EBF2: variants seen among roughly 807,000 people sequenced by gnomAD.
The protein encoded by EBF2 is transcription factor COE2.
Under a neutral mutation model 72.8 loss-of-function variants are expected in EBF2, and 21 were observed. The observed-to-expected ratio is 0.29, with a 90% CI of 0.20 to 0.42. EBF2 has a LOEUF of 0.42. EBF2 is among the 10% of genes least tolerant of loss of function. The probability of loss-of-function intolerance (pLI) is 1.00; values close to 1 mark genes in which losing one functional copy is unlikely to be tolerated. For synonymous variants in EBF2, 299 were observed against 274.2 expected (o/e 1.09, Z -0.89); for missense variants, 637 against 731.2 (o/e 0.87, Z 1.49).
intron 6 of EBF2, among the ~76,000 whole-genome samples, chr8:25,995,467 C>T (rs1170611220): frequency 2.6e-5 from 4 of 151,708 alleles, no homozygotes; most frequent in African/African-American, 4.8e-5. Flanking sequence ...TAATAATAAA[C>T]GTAAATAAGT....
intron 6 of EBF2, chr8:26,031,415 TTTTTC>T (rs1027990552): frequency 3.0e-5 from 4 of 132,492 alleles, no homozygotes; most frequent in African/African-American, 5.7e-5. Context: ...TGTATTCCTT[TTTTTC>T]TTTTTCTTTT....
At chr8:25,974,956 C>A (rs1353479328) in intron 6 of EBF2, among the ~76,000 whole-genome samples, 1 of 152,134 alleles carries the variant, frequency 6.6e-6, no homozygotes, top group Non-Finnish European at 1.5e-5. Context: ...CCTCTTGTTA[C>A]TAAGCTGACA....
chr8:25,914,985 A>G (rs574753608), intron 6 of EBF2, among the ~76,000 whole-genome samples: 2 of 152,260 alleles, frequency 1.3e-5, no homozygotes, highest in Non-Finnish European at 2.9e-5. Flanking sequence ...TTCCAACTAC[A>G]CTCAACTTCT....
intron 6 of EBF2, among the ~76,000 whole-genome samples, chr8:26,021,950 G>T (rs1438538709): frequency 6.6e-6 from 1 of 152,198 alleles, no homozygotes; most frequent in Non-Finnish European, 1.5e-5. Context: ...ATCTTCTGAA[G>T]TGAGAGAATA....
At chr8:25,895,372 G>A (rs896470609) in intron 7 of EBF2, among the ~76,000 whole-genome samples, 2 of 152,162 alleles carry the variant, frequency 1.3e-5, no homozygotes, top group African/African-American at 4.8e-5. Flanking sequence ...GCTTTGATGT[G>A]ATCTCTCATT....
At chr8:25,998,977 A>T (rs1261903410) in intron 6 of EBF2, among the ~76,000 whole-genome samples, 1 of 152,136 alleles carries the variant, frequency 6.6e-6, no homozygotes, top group African/African-American at 2.4e-5. Flanking sequence ...GAAAGAAAAA[A>T]CTTTTCAAGA....
At chr8:25,893,433 C>A (rs1455053434) in intron 7 of EBF2, among the ~76,000 whole-genome samples, 2 of 151,862 alleles carry the variant, frequency 1.3e-5, no homozygotes, top group African/African-American at 4.8e-5. Context: ...ATTACAGGTA[C>A]CTGCCACCAC....
At chr8:25,941,162 C>T (rs1003250990) in intron 6 of EBF2, among the ~76,000 whole-genome samples, 2 of 151,372 alleles carry the variant, frequency 1.3e-5, no homozygotes, top group Admixed American at 1.3e-4. Context: ...TCTGCAGTCC[C>T]TGGGGCCTCC....
intron 6 of EBF2, among the ~76,000 whole-genome samples, chr8:25,946,853 T>G (rs1360430929): frequency 6.6e-6 from 1 of 152,214 alleles, no homozygotes; most frequent in Non-Finnish European, 1.5e-5. Context: ...AACATGATAT[T>G]ATAGGACACA....
In EBF2 at chr8:25,842,350, G is replaced by T. The variant is rs541690805; in HGVS notation, c.*2259C>A. ...TGGTATTTAGTTACACGCATTTTTC[G>T]GTGTAAAGCTACCAAGAAATTCTAC... On this transcript the variant is annotated 3_prime_UTR_variant, in exon 16 of 16. Coordinates refer to ENST00000520164, the MANE Select transcript of EBF2 (RefSeq NM_022659.4). 1 of 151,966 alleles carries T rather than the reference G, an allele frequency of 6.6e-6. No homozygotes were observed. The highest frequency in any genetic ancestry group is 2.4e-5 in the African/African-American group (1 of 41,354). 9.4% of individuals were successfully genotyped at this position (151,966 alleles called of 1,614,324 possible).
chr8:25,920,875 G>A (rs552973583), intron 6 of EBF2, among the ~76,000 whole-genome samples: 18 of 151,908 alleles, frequency 1.2e-4, no homozygotes, highest in Admixed American at 9.8e-4. Context: ...TCCAAATTCT[G>A]AATGATGTAG....
chr8:25,859,839 C>T lies in EBF2; in HGVS notation c.1342+1210G>A, dbSNP rs115687700. ...TCAATCTATCCTCCCACCTCAACCT[C>T]CCAAATAGCAGGGACTACAGATGAG... is the stretch of plus-strand genomic sequence containing the variant. On this transcript the variant is annotated intron_variant, in intron 13 of 15. Coordinates refer to ENST00000520164, the MANE Select transcript of EBF2 (RefSeq NM_022659.4). Among the ~76,000 whole-genome samples, 1,323 of 152,014 alleles carry T rather than the reference C, an allele frequency of 8.7e-3. 21 individuals are homozygous for T. Among genetic ancestry groups the T allele is most frequent in the African/African-American group, 0.03 (1,261 of 41,450 alleles).
chr8:25,925,181 T>A (rs144147003), intron 6 of EBF2, among the ~76,000 whole-genome samples: 242 of 152,284 alleles, frequency 1.6e-3, no homozygotes, highest in Non-Finnish European at 1.9e-3. Flanking sequence ...GTCCCGAGAA[T>A]ATTTTTCTCC....
chr8:25,945,143 C>A (rs1803746582), intron 6 of EBF2, among the ~76,000 whole-genome samples: 1 of 118,536 alleles, frequency 8.4e-6, no homozygotes, highest in African/African-American at 3.3e-5. Context: ...GGCCTTGTGA[C>A]CTGAGCTACA....
At chr8:25,915,812 TA>T (rs1803205176) in intron 6 of EBF2, among the ~76,000 whole-genome samples, 1 of 152,100 alleles carries the variant, frequency 6.6e-6, no homozygotes, top group Non-Finnish European at 1.5e-5. Context: ...AGGATCTCCA[TA>T]ATGGAGATTT....
At chr8:25,895,615 A>G (rs1327017869) in intron 7 of EBF2, among the ~76,000 whole-genome samples, 1 of 151,968 alleles carries the variant, frequency 6.6e-6, no homozygotes, top group Non-Finnish European at 1.5e-5. Context: ...CTCAAATTCT[A>G]TTTTTCTTTT....
At chr8:26,008,840 C>CAAAAAAAA (rs61069458) in intron 6 of EBF2, among the ~76,000 whole-genome samples, 1 of 114,598 alleles carries the variant, frequency 8.7e-6, no homozygotes, top group Non-Finnish European at 1.8e-5. Context: ...ATCAACCTCT[C>CAAAAAAAA]AAAAAAAAAA....
At chr8:25,921,174 G>A (rs1803301438) in intron 6 of EBF2, among the ~76,000 whole-genome samples, 1 of 152,122 alleles carries the variant, frequency 6.6e-6, no homozygotes, top group Non-Finnish European at 1.5e-5. Flanking sequence ...TATCATATTA[G>A]CCACTTTCAG....
intron 6 of EBF2, among the ~76,000 whole-genome samples, chr8:25,942,023 A>C (rs1803682329): frequency 6.6e-6 from 1 of 152,104 alleles, no homozygotes; most frequent in South Asian, 2.1e-4. Flanking sequence ...ATAGAAAACC[A>C]TGTTCCCGTC....
Sources: allele counts gnomAD v4.1 joint callset (sites outside exome capture counted in the v4.1 genomes callset), GRCh38; gene constraint gnomAD v4.1.1; transcripts MANE v1.5; gene names NCBI Gene and HGNC (gene_info 2026-07-23, HGNC 2026-07-21).